SCP2: variants seen among roughly 807,000 people sequenced by gnomAD.
SCP2 encodes sterol carrier protein 2.
A neutral mutation model predicts 71.4 loss-of-function variants in SCP2; 48 were observed. The ratio of observed to expected loss-of-function variants is 0.67; its 90% CI spans 0.53 to 0.86. SCP2 has a LOEUF of 0.86. SCP2 is among the 40% of genes least tolerant of loss of function. The pLI is 0.00. For missense variants in SCP2, 560 were observed against 655.6 expected, an observed-to-expected ratio of 0.85 and a Z score of 1.59; for synonymous variants, 220 against 218.1, an observed-to-expected ratio of 1.01 and a Z score of -0.08.
At chr1:53,008,624 A>G (rs1660785958) in intron 11 of SCP2, among the ~76,000 whole-genome samples, 1 of 152,152 alleles carries the variant, frequency 6.6e-6, no homozygotes, top group Non-Finnish European at 1.5e-5. Flanking sequence ...TTGATTGGAC[A>G]TATCTCAAAA....
At chr1:52,950,691 G>T in intron 3 of SCP2, 64 bp from the exon 4 acceptor site, 1 of 1,304,426 alleles carries the variant, frequency 7.7e-7, no homozygotes, top group Admixed American at 1.7e-5. Flanking sequence ...AACCCATAAT[G>T]TAGTATTATG....
chr1:52,995,993 G>T, intron 11 of SCP2: 1 of 1,409,360 alleles, frequency 7.1e-7, no homozygotes, highest in South Asian at 2.1e-5. Flanking sequence ...AAGAGGAGGA[G>T]GATTTTGGTG....
chr1:53,042,710 G>A (rs1056047710), intron 14 of SCP2, among the ~76,000 whole-genome samples: 3 of 152,090 alleles, frequency 2.0e-5, no homozygotes, highest in African/African-American at 4.8e-5. Context: ...AGTTTGAACC[G>A]GCATCTTAAG....
intron 12 of SCP2, among the ~76,000 whole-genome samples, chr1:53,017,336 T>G (rs1661403495): frequency 6.6e-6 from 1 of 152,216 alleles, no homozygotes; most frequent in Non-Finnish European, 1.5e-5. Context: ...CCAAAAATGT[T>G]CCTTGTGCAC....
intron 15 of SCP2, chr1:53,049,975 G>A (rs1664097273): frequency 1.3e-5 from 2 of 152,026 alleles, no homozygotes; most frequent in Admixed American, 1.3e-4. Flanking sequence ...TCCCAATTTT[G>A]CTGTTTCTCT....
chr1:53,013,421 TAAAAA>T (rs776237493), intron 11 of SCP2, among the ~76,000 whole-genome samples: 1 of 117,214 alleles, frequency 8.5e-6, no homozygotes, highest in African/African-American at 3.4e-5. Context: ...CCGTCTCTAC[TAAAAA>T]AAAAAAAAAA....
intron 11 of SCP2, among the ~76,000 whole-genome samples, chr1:52,991,702 A>C (rs1167395690): frequency 6.6e-6 from 1 of 151,140 alleles, no homozygotes; most frequent in Admixed American, 6.6e-5. Flanking sequence ...CCCAGCCCAA[A>C]CCTCTTGTTT....
intron 14 of SCP2, among the ~76,000 whole-genome samples, chr1:53,042,411 A>G (rs1273794351): frequency 6.6e-6 from 1 of 152,076 alleles, no homozygotes; most frequent in Non-Finnish European, 1.5e-5. Context: ...ATCAAAGATC[A>G]AATGCTGATG....
intron 11 of SCP2, among the ~76,000 whole-genome samples, chr1:52,998,953 C>T (rs531513235): frequency 6.8e-4 from 103 of 152,274 alleles, no homozygotes; most frequent in African/African-American, 2.1e-3. Flanking sequence ...AAGAGAGACT[C>T]GCATTCAAAG....
chr1:53,006,679 C>G (rs1391695539), intron 11 of SCP2, among the ~76,000 whole-genome samples: 1 of 152,170 alleles, frequency 6.6e-6, no homozygotes, highest in African/African-American at 2.4e-5. Context: ...AAAAACATGC[C>G]AAATTGTAAA....
chr1:52,952,289 A>G (rs1218410558), intron 4 of SCP2, among the ~76,000 whole-genome samples: 2 of 152,154 alleles, frequency 1.3e-5, no homozygotes, highest in East Asian at 3.8e-4. Flanking sequence ...ATGTTGTAGC[A>G]TATATCAGTA....
At chr1:52,991,696 G>C (rs60683413) in intron 11 of SCP2, among the ~76,000 whole-genome samples, 10,172 of 152,024 alleles carry the variant, frequency 0.067, 459 homozygotes, top group African/African-American at 0.12. Context: ...ACCACGCCCA[G>C]CCCAAACCTC....
At chr1:53,025,525 C>T (rs1231079072) in intron 12 of SCP2, among the ~76,000 whole-genome samples, 1 of 152,174 alleles carries the variant, frequency 6.6e-6, no homozygotes, top group Non-Finnish European at 1.5e-5. Flanking sequence ...CTACATTCCT[C>T]CTTGTCCTCG....
chr1:52,967,954 C>T (rs1657128950), intron 6 of SCP2, among the ~76,000 whole-genome samples: 1 of 152,162 alleles, frequency 6.6e-6, no homozygotes, highest in South Asian at 2.1e-4. Flanking sequence ...ATCCAGTTTC[C>T]TGTTTGCTCA....
intron 11 of SCP2, chr1:52,994,236 T>C: frequency 2.0e-6 from 2 of 1,012,758 alleles, no homozygotes; most frequent in Non-Finnish European, 2.4e-6. Flanking sequence ...CACTGAAGCC[T>C]TTAAGAGTTA....
At chr1:52,950,106 G>T (rs1655155222) in intron 3 of SCP2, among the ~76,000 whole-genome samples, 2 of 148,386 alleles carry the variant, frequency 1.3e-5, no homozygotes, top group South Asian at 4.2e-4. Context: ...TAGGTTTAAA[G>T]ATTTTATTTA....
At position 52,948,014 on chromosome 1, in the gene SCP2, A is replaced by T; in HGVS notation, c.133A>T (p.Lys45Ter). ...YPDLAEEAGK[K>*]ALADAQIPYS... ...AAAACCTTTCGTTTTTATAGGCAAG[A>T]AGGCTTTAGCTGATGCACAGATCCC... Residue 45 changes from lysine to a stop codon, truncating the protein, a stop_gained, in exon 3 of 16, where the codon AAG (lysine) becomes TAG (stop). Coordinates refer to ENST00000371514, the MANE Select transcript of SCP2 (RefSeq NM_002979.5). LOFTEE classifies it high-confidence loss of function. 1 of 1,611,420 alleles carries T rather than the reference A, an allele frequency of 6.2e-7. No homozygotes were observed. Among genetic ancestry groups the T allele is most frequent in the Non-Finnish European group, 8.5e-7 (1 of 1,177,650 alleles).
chr1:52,977,316 C>T (rs1178571902), intron 8 of SCP2, among the ~76,000 whole-genome samples: 2 of 152,160 alleles, frequency 1.3e-5, no homozygotes, highest in African/African-American at 2.4e-5. Flanking sequence ...AGAAATAAGT[C>T]GGGTCAGCTT....
At chr1:53,008,441 T>G (rs1004629717) in intron 11 of SCP2, among the ~76,000 whole-genome samples, 4 of 152,174 alleles carry the variant, frequency 2.6e-5, no homozygotes, top group South Asian at 2.1e-4. Flanking sequence ...ACGATCAAGT[T>G]GGCTTCATCC....
Sources: gnomAD v4.1 joint callset for allele counts (sites outside exome capture counted in the v4.1 genomes callset) on GRCh38, gnomAD v4.1.1 for gene constraint, MANE v1.5 for transcripts, NCBI Gene and HGNC (gene_info 2026-07-23, HGNC 2026-07-21) for gene names.